RNF13: variants seen among roughly 807,000 people sequenced by gnomAD.
RNF13 encodes the protein E3 ubiquitin-protein ligase RNF13.
Under a neutral mutation model 37.7 loss-of-function variants are expected in RNF13, and 19 were observed. The ratio of observed to expected loss-of-function variants is 0.50; its 90% CI spans 0.35 to 0.74. RNF13 has a LOEUF of 0.74. Among genes scored for constraint, RNF13 ranks in the 30% least tolerant of loss-of-function variants. The pLI is 0.01. For synonymous variants in RNF13, 144 were observed against 157.8 expected (o/e 0.91, Z 0.65); for missense variants, 375 against 453.0 (o/e 0.83, Z 1.56).
At chr3:149,953,063 TA>T (rs1299958890) in intron 8 of RNF13, among the ~76,000 whole-genome samples, 1 of 152,138 alleles carries the variant, frequency 6.6e-6, no homozygotes, top group Non-Finnish European at 1.5e-5. Context: ...TTAGACCCAA[TA>T]AAGAGTAATA....
intron 3 of RNF13, among the ~76,000 whole-genome samples, chr3:149,871,341 C>T (rs1156485770): frequency 6.6e-6 from 1 of 151,214 alleles, no homozygotes; most frequent in African/African-American, 2.4e-5. Flanking sequence ...TGTGACCAGC[C>T]TGTTACTACA....
chr3:149,883,507 A>G (rs1713655334), intron 4 of RNF13, among the ~76,000 whole-genome samples: 2 of 151,982 alleles, frequency 1.3e-5, no homozygotes, highest in South Asian at 4.1e-4. Flanking sequence ...GTAATTTATA[A>G]TTTTATGTCT....
intron 4 of RNF13, among the ~76,000 whole-genome samples, chr3:149,875,359 A>G (rs1367809101): frequency 6.6e-6 from 1 of 152,184 alleles, no homozygotes; most frequent in Admixed American, 6.5e-5. Context: ...CAGATGATTA[A>G]TGTTGGTGAG....
chr3:149,898,583 T>G (rs1408845145), intron 5 of RNF13, among the ~76,000 whole-genome samples: 2 of 152,198 alleles, frequency 1.3e-5, no homozygotes, highest in African/African-American at 2.4e-5. Flanking sequence ...GAAATTAGGA[T>G]AATAATAGTA....
At chr3:149,889,922 G>A (rs546286226) in intron 4 of RNF13, among the ~76,000 whole-genome samples, 1 of 152,210 alleles carries the variant, frequency 6.6e-6, no homozygotes, top group African/African-American at 2.4e-5. Flanking sequence ...TGATCTGCCC[G>A]CCTCAGCCTC....
chr3:149,855,622 G>GTATA, intron 3 of RNF13, among the ~76,000 whole-genome samples: 1 of 150,908 alleles, frequency 6.6e-6, no homozygotes, highest in South Asian at 2.1e-4. Context: ...ATATGTGTGT[G>GTATA]TATATATATA....
intron 8 of RNF13, among the ~76,000 whole-genome samples, chr3:149,948,201 G>A (rs981991100): frequency 2.6e-5 from 4 of 151,992 alleles, no homozygotes; most frequent in Non-Finnish European, 5.9e-5. Context: ...TGCCCACCTC[G>A]GCCTCCCAAA....
intron 1 of RNF13, among the ~76,000 whole-genome samples, chr3:149,832,672 T>C (rs887649355): frequency 1.3e-5 from 2 of 152,004 alleles, no homozygotes; most frequent in African/African-American, 4.8e-5. Context: ...GAGAGGAGAC[T>C]CAACTAAAAT....
At chr3:149,828,070 G>A (rs1720680044) in intron 1 of RNF13, among the ~76,000 whole-genome samples, 1 of 151,954 alleles carries the variant, frequency 6.6e-6, no homozygotes. Context: ...TGAACTAAGT[G>A]CGAGTCATTG....
chr3:149,817,985 A>G (rs1719635612), intron 1 of RNF13, among the ~76,000 whole-genome samples: 1 of 152,196 alleles, frequency 6.6e-6, no homozygotes, highest in Non-Finnish European at 1.5e-5. Context: ...GTTTGGTACA[A>G]TTGGGTAGAG....
In RNF13 at chr3:149,961,588, T is replaced by C. The variant is rs1722434706; in HGVS notation, c.*484T>C. On this transcript the variant is annotated 3_prime_UTR_variant, in exon 10 of 10. Coordinates refer to ENST00000392894, the MANE Select transcript of RNF13 (RefSeq NM_183381.3). Reference sequence around the variant, plus strand: ...AACAAGGTAATTCAGCCTTTCCTCCTATCAGCACAAAGAAACTCAAAGCTG... The same window carrying C: ...AACAAGGTAATTCAGCCTTTCCTCCCATCAGCACAAAGAAACTCAAAGCTG... 2.3e-5 allele frequency: 7 copies of C among 299,928 alleles called. No individual in the cohort carries two copies. The highest frequency in any genetic ancestry group is 4.5e-5 in the Non-Finnish European group (7 of 153,990). 18.6% of individuals were successfully genotyped at this position (299,928 alleles called of 1,614,324 possible).
Position 149,951,052 on chromosome 3 carries a change from A to G in RNF13, c.701-9004A>G, listed in dbSNP as rs73009651. On this transcript the variant is annotated intron_variant, in intron 8 of 9. Transcript: ENST00000392894. ...ATAATGCTTCTCCCGACCACCCCCA[A>G]TACCTGAGGGGATTTTTCCTGGTAG... Among the ~76,000 whole-genome samples the G allele has an allele frequency of 4.4e-3, 672 of 152,264 alleles. 7 individuals are homozygous for G. The highest frequency in any genetic ancestry group is 0.015 in the African/African-American group (639 of 41,560).
intron 6 of RNF13, among the ~76,000 whole-genome samples, chr3:149,910,170 T>G (rs1716844131): frequency 6.6e-6 from 1 of 152,072 alleles, no homozygotes; most frequent in African/African-American, 2.4e-5. Flanking sequence ...TCAGGGCAGT[T>G]TCAGAGGGTA....
At chr3:149,845,219 G>A (rs539061985) in intron 1 of RNF13, among the ~76,000 whole-genome samples, 51 of 152,150 alleles carry the variant, frequency 3.4e-4, no homozygotes, top group Non-Finnish European at 6.0e-4. Context: ...TATTACATGA[G>A]TTTGGGATAT....
intron 1 of RNF13, among the ~76,000 whole-genome samples, chr3:149,835,390 A>G (rs1721495035): frequency 6.6e-6 from 1 of 152,086 alleles, no homozygotes; most frequent in African/African-American, 2.4e-5. Context: ...ATTTTGGTGC[A>G]TCCATCACCT....
At chr3:149,818,888 G>A (rs1010057510) in intron 1 of RNF13, among the ~76,000 whole-genome samples, 14 of 152,130 alleles carry the variant, frequency 9.2e-5, no homozygotes, top group Non-Finnish European at 1.9e-4. Context: ...TCCAGCCTGG[G>A]TGACAGAGCG....
intron 8 of RNF13, among the ~76,000 whole-genome samples, chr3:149,944,852 G>T (rs13066475): frequency 0.25 from 38,385 of 151,794 alleles, 6,127 homozygotes; most frequent in Non-Finnish European, 0.36. Flanking sequence ...TGTTGCCATT[G>T]CTTTTGGTGT....
intron 3 of RNF13, among the ~76,000 whole-genome samples, chr3:149,858,660 A>G (rs370332393): frequency 6.6e-6 from 1 of 152,210 alleles, no homozygotes; most frequent in East Asian, 1.9e-4. Context: ...TTGAAGAGGA[A>G]GAAGATAGAA....
chr3:149,916,655 T>C (rs1212097019), intron 7 of RNF13, among the ~76,000 whole-genome samples: 1 of 152,050 alleles, frequency 6.6e-6, no homozygotes, highest in Non-Finnish European at 1.5e-5. Context: ...GGTTTCAGCA[T>C]AGAAGCAAGA....
Sources: gnomAD v4.1 joint callset for allele counts (sites outside exome capture counted in the v4.1 genomes callset) on GRCh38, gnomAD v4.1.1 for gene constraint, MANE v1.5 for transcripts, NCBI Gene and HGNC (gene_info 2026-07-23, HGNC 2026-07-21) for gene names.